Variants in COL4A3 observed in about 807,000 individuals in gnomAD.
COL4A3 encodes collagen type IV alpha 3 chain.
In COL4A3, 135 loss-of-function variants were observed where a neutral mutation model predicts 217.4. The ratio of observed to expected loss-of-function variants is 0.62; its 90% confidence interval spans 0.54 to 0.72. COL4A3 has a LOEUF of 0.72. COL4A3 is among the 30% of genes least tolerant of loss of function. The pLI is 0.00. For synonymous variants in COL4A3, 690 were observed against 736.3 expected (o/e 0.94, Z 1.02); for missense variants, 1,868 against 2,119.9 (o/e 0.88, Z 2.33).
rs967619363 is a variant in COL4A3 at position 227,298,619 on chromosome 2, C to A, written c.3752-63C>A. 10 of 1,606,662 alleles carry A rather than the reference C, an allele frequency of 6.2e-6. No individual in the cohort carries two copies. The Admixed American group carries it at 1.5e-4, about 24-fold the overall frequency. ...GTTTATACTTCATTAGAAACAATCACTGATAAATAGAACCTTCCAAGCTCC... is the reference window on the plus strand; with the variant it reads ...GTTTATACTTCATTAGAAACAATCAATGATAAATAGAACCTTCCAAGCTCC... On this transcript the variant is annotated intron_variant, in intron 42 of 51. Coordinates refer to ENST00000396578, the MANE Select transcript of COL4A3 (RefSeq NM_000091.5).
rs562056636 is a variant in COL4A3 at position 227,204,130 on chromosome 2, T to A, written c.88-33838T>A. On this transcript the variant is annotated intron_variant, in intron 1 of 51. Coordinates refer to ENST00000396578, the MANE Select transcript of COL4A3 (RefSeq NM_000091.5). ...TCGTAGTAGACCTAAATTACCTGGA[T>A]TCAACTCCAAGAATCCAAGATCCAC... 1.2e-4 allele frequency among the ~76,000 whole-genome samples: 18 copies of A among 152,274 alleles called. No homozygotes were observed. The South Asian group carries it at 2.9e-3, about 25-fold the overall frequency.
intron 6 of COL4A3, 143 bp from the exon 7 acceptor site, chr2:227,246,542 C>T: frequency 1.4e-6 from 1 of 709,786 alleles, no homozygotes; most frequent in Non-Finnish European, 2.6e-6. Context: ...GGTCTTCAGC[C>T]TCATGACCCA....
intron 1 of COL4A3, among the ~76,000 whole-genome samples, chr2:227,201,168 T>C (rs2066671342): frequency 6.6e-6 from 1 of 152,196 alleles, no homozygotes; most frequent in Non-Finnish European, 1.5e-5. Flanking sequence ...AGAATCAAGA[T>C]AGTAAAAGCT....
At chr2:227,259,107 T>A (rs1416158379) in intron 18 of COL4A3, 2 of 152,122 alleles carry the variant, frequency 1.3e-5, no homozygotes, top group African/African-American at 2.4e-5. Flanking sequence ...TTCAGAGGAA[T>A]TCTTAGCACT....
chr2:227,289,933 G>A, intron 35 of COL4A3, 66 bp from the exon 36 acceptor site: 1 of 1,493,834 alleles, frequency 6.7e-7, no homozygotes, highest in South Asian at 1.2e-5. Context: ...CAAGCAACAA[G>A]TATTTATTAA....
chr2:227,202,958 T>C (rs2066810166), intron 1 of COL4A3, among the ~76,000 whole-genome samples: 1 of 37,570 alleles, frequency 2.7e-5, no homozygotes, highest in Non-Finnish European at 4.7e-5. Context: ...TATATACATA[T>C]ATGTGTATAT....
intron 20 of COL4A3, among the ~76,000 whole-genome samples, chr2:227,262,482 T>C (rs1430828105): frequency 6.6e-6 from 1 of 152,188 alleles, no homozygotes. Flanking sequence ...TTGGGTAGTA[T>C]GGTCATTTTA....
intron 1 of COL4A3, among the ~76,000 whole-genome samples, chr2:227,233,343 A>G (rs2068513063): frequency 6.6e-6 from 1 of 151,716 alleles, no homozygotes; most frequent in African/African-American, 2.4e-5. Flanking sequence ...TAAAAAAAAA[A>G]AATTCTAAAA....
intron 1 of COL4A3, among the ~76,000 whole-genome samples, chr2:227,176,634 T>A (rs1253329247): frequency 6.6e-6 from 1 of 152,228 alleles, no homozygotes; most frequent in East Asian, 1.9e-4. Context: ...TGAGTTCAAG[T>A]GTATTTAGAA....
rs1408313223 is a variant in COL4A3, at chr2:227,273,025, C to T, written c.1835C>T (p.Pro612Leu). Residue 612 changes from proline to leucine, a missense_variant, in exon 26 of 52, where the codon CCA (proline) becomes CTA (leucine). By Grantham distance (98) the Pro-to-Leu change is moderately conservative. This residue lies in a region of COL4A3 where 1,503 missense variants were observed against 1,786.1 expected (regional missense o/e 0.84). Transcript: ENST00000396578. ...CCTGGGTCCCCAGGACCTGCAGGAC[C>T]AGCTGGACCACCTGGCTACGGACCC... ...GSPGSPGPAG[P>L]AGPPGYGPQG... 1 of 1,613,974 alleles carries T rather than the reference C, an allele frequency of 6.2e-7. No homozygotes were observed. Among genetic ancestry groups the T allele is most frequent in the African/African-American group, 1.3e-5 (1 of 74,910 alleles).
At chr2:227,266,956 T>C (rs1363311277) in intron 22 of COL4A3, 37 bp from the exon 23 acceptor site, 1 of 1,408,578 alleles carries the variant, frequency 7.1e-7, no homozygotes, top group Non-Finnish European at 1.0e-6. Context: ...GGACTCAATG[T>C]AGCTTTTTAA....
At chr2:227,181,194 T>C (rs944891620) in intron 1 of COL4A3, among the ~76,000 whole-genome samples, 2 of 152,228 alleles carry the variant, frequency 1.3e-5, no homozygotes, top group Non-Finnish European at 2.9e-5. Flanking sequence ...TCTGCCTTTC[T>C]TGTCTTTAAA....
chr2:227,222,845 G>A (rs1225694381), intron 1 of COL4A3, among the ~76,000 whole-genome samples: 5 of 152,136 alleles, frequency 3.3e-5, no homozygotes, highest in African/African-American at 1.2e-4. Context: ...GGGGGCCAAT[G>A]GCCTCTCTGC....
At chr2:227,267,563 C>G (rs540261916) in intron 23 of COL4A3, among the ~76,000 whole-genome samples, 3 of 152,160 alleles carry the variant, frequency 2.0e-5, no homozygotes, top group Non-Finnish European at 4.4e-5. Flanking sequence ...ATTGCAACAT[C>G]CTCCGTGCTG....
chr2:227,166,690 C>A (rs112999790), intron 1 of COL4A3, among the ~76,000 whole-genome samples: 67 of 152,250 alleles, frequency 4.4e-4, no homozygotes, highest in African/African-American at 1.6e-3. Context: ...CTTTCATTAA[C>A]AAGTTTTCAG....
chr2:227,183,670 CAG>C (rs1173600024), intron 1 of COL4A3, among the ~76,000 whole-genome samples: 2 of 152,154 alleles, frequency 1.3e-5, no homozygotes, highest in African/African-American at 2.4e-5. Context: ...CACCAGAAAA[CAG>C]AGTGACATGG....
Position 227,253,670 on chromosome 2 carries a change from C to G in COL4A3, c.765+32C>G, listed in dbSNP as rs770692743. ...CTGCGATTTTATGATTAGTGTTGTG[C>G]CTTCCCGTGTCTAGGATGAAGTCCT... On this transcript the variant is annotated intron_variant, in intron 13 of 51. Transcript: ENST00000396578. The surrounding 1 kb of genome is among the most constrained non-coding windows in gnomAD (Gnocchi z 4.4). 2 of 1,563,298 alleles carry G rather than the reference C, an allele frequency of 1.3e-6. No individual in the cohort carries two copies. The highest frequency in any genetic ancestry group is 2.7e-5 in the African/African-American group (2 of 73,762).
At chr2:227,203,036 C>T (rs1435627354) in intron 1 of COL4A3, among the ~76,000 whole-genome samples, 15 of 34,620 alleles carry the variant, frequency 4.3e-4, no homozygotes, top group Non-Finnish European at 7.0e-4. Flanking sequence ...TGTATATATA[C>T]ATATATGTGT....
rs748096086 is a variant in COL4A3, at chr2:227,303,856, T to C, written c.3956-3T>C. 3 of 1,614,000 alleles carry C rather than the reference T, an allele frequency of 1.9e-6. No individual in the cohort carries two copies. In the South Asian group the frequency reaches 3.3e-5, roughly 18 times the overall value. On this transcript the variant is annotated splice_polypyrimidine_tract_variant and splice_region_variant and intron_variant, in intron 44 of 51. Coordinates refer to ENST00000396578, the MANE Select transcript of COL4A3 (RefSeq NM_000091.5). ...ATCACACTGTGTCTTTGTTTGTTTT[T>C]AGGAGAAAAGGGTAATCCTGGATTT...
Sources: gnomAD v4.1 joint callset for allele counts (sites outside exome capture counted in the v4.1 genomes callset) on GRCh38, gnomAD v4.1.1 for gene constraint, gnomAD v4.1.1 regional missense constraint, Gnocchi (gnomAD v3.1) non-coding constraint, MANE v1.5 for transcripts, NCBI Gene and HGNC (gene_info 2026-07-23, HGNC 2026-07-21) for gene names.